The following XKR6 variants were observed in gnomAD, a reference collection of about 807,000 sequenced individuals.
XKR6 encodes XK-related protein 6.
In XKR6, 22 loss-of-function variants were observed where a neutral mutation model predicts 56.7. The ratio of observed to expected loss-of-function variants is 0.39; its 90% CI spans 0.28 to 0.55. The LOEUF (loss-of-function observed/expected upper bound fraction) is 0.55. Ranked by LOEUF, XKR6 falls within the 20% of genes least tolerant of loss-of-function variation. The pLI, the probability that XKR6 is intolerant of heterozygous loss-of-function variation, is 0.66. For missense variants in XKR6, 852 were observed against 889.0 expected, an observed-to-expected ratio of 0.96 and a Z score of 0.53; for synonymous variants, 524 against 387.8, an observed-to-expected ratio of 1.35 and a Z score of -4.13.
intron 1 of XKR6, among the ~76,000 whole-genome samples, chr8:11,121,370 G>A (rs1165406594): frequency 5.3e-5 from 8 of 152,130 alleles, no homozygotes; most frequent in Non-Finnish European, 8.8e-5. Context: ...ATCAAAAAGT[G>A]AGCGAAGGAT....
At chr8:11,069,402 C>G (rs1315234497) in intron 1 of XKR6, among the ~76,000 whole-genome samples, 4 of 152,132 alleles carry the variant, frequency 2.6e-5, no homozygotes, top group African/African-American at 9.7e-5. Flanking sequence ...CCCACAGTAT[C>G]TCTCCCGCAA....
At position 11,145,186 on chromosome 8, in the gene XKR6, AT is replaced by A. The variant is rs150183313; in HGVS notation, c.764+55389del. 3.4e-3 allele frequency among the ~76,000 whole-genome samples: 511 copies of A among 152,286 alleles called. 2 individuals are homozygous for A. The highest frequency in any genetic ancestry group is 0.012 in the African/African-American group (486 of 41,550). ...CTCACTGGAGCATTTTGGATTTCAGATTTTTGGATTAGATTTTCAGATATCT... is the reference window on the plus strand; with the variant it reads ...CTCACTGGAGCATTTTGGATTTCAGATTTTGGATTAGATTTTCAGATATCT... On this transcript the variant is annotated intron_variant, in intron 1 of 2. Transcript: ENST00000416569.
At chr8:11,009,613 T>C (rs192987125) in intron 1 of XKR6, among the ~76,000 whole-genome samples, 17 of 152,294 alleles carry the variant, frequency 1.1e-4, no homozygotes, top group Non-Finnish European at 2.4e-4. Flanking sequence ...CCAGATCTTC[T>C]GTAAAATGTC....
intron 1 of XKR6, among the ~76,000 whole-genome samples, chr8:10,972,710 T>C (rs1586375027): frequency 6.6e-6 from 1 of 152,106 alleles, no homozygotes; most frequent in Non-Finnish European, 1.5e-5. Context: ...TGGGGAAAAG[T>C]GGGGACTGGG....
intron 1 of XKR6, among the ~76,000 whole-genome samples, chr8:10,968,206 C>G (rs758073137): frequency 6.6e-6 from 1 of 152,208 alleles, no homozygotes; most frequent in African/African-American, 2.4e-5. Context: ...GATCTCCCAC[C>G]GCTCCTAGGC....
chr8:11,171,445 T>C (rs145635104), intron 1 of XKR6, among the ~76,000 whole-genome samples: 6 of 152,316 alleles, frequency 3.9e-5, no homozygotes, highest in African/African-American at 1.4e-4. Flanking sequence ...AAATTTCATC[T>C]CCAGTACTGG....
chr8:11,081,011 G>C (rs1442376189), intron 1 of XKR6, among the ~76,000 whole-genome samples: 2 of 152,214 alleles, frequency 1.3e-5, no homozygotes, highest in African/African-American at 4.8e-5. Context: ...AAGGTCTGTA[G>C]TTATTTGGGA....
At chr8:10,993,222 G>C (rs1005204624) in intron 1 of XKR6, among the ~76,000 whole-genome samples, 2 of 152,220 alleles carry the variant, frequency 1.3e-5, no homozygotes, top group African/African-American at 4.8e-5. Flanking sequence ...GGCGAGGCTG[G>C]GATGCTTTTT....
At chr8:11,058,454 T>G (rs974893602) in intron 1 of XKR6, among the ~76,000 whole-genome samples, 1 of 152,192 alleles carries the variant, frequency 6.6e-6, no homozygotes, top group Non-Finnish European at 1.5e-5. Context: ...CCATCAGTGA[T>G]AGACTGGATA....
At chr8:11,003,264 A>T (rs28655990) in intron 1 of XKR6, among the ~76,000 whole-genome samples, 2,054 of 152,282 alleles carry the variant, frequency 0.013, 48 homozygotes, top group African/African-American at 0.046. Context: ...CAAGTACAAC[A>T]TCATTGTCAA....
intron 1 of XKR6, among the ~76,000 whole-genome samples, chr8:11,107,534 T>G (rs1210471084): frequency 6.6e-6 from 1 of 152,162 alleles, no homozygotes; most frequent in Non-Finnish European, 1.5e-5. Context: ...CACATTTATA[T>G]CAACCAGCAG....
chr8:11,194,907 T>A (rs1803787943), intron 1 of XKR6: 2 of 534,918 alleles, frequency 3.7e-6, no homozygotes, highest in Admixed American at 3.5e-5. Flanking sequence ...CTATGCTGCA[T>A]CCCCAGTTGC....
At chr8:10,913,312 G>T (rs1310787663) in intron 2 of XKR6, among the ~76,000 whole-genome samples, 1 of 151,948 alleles carries the variant, frequency 6.6e-6, no homozygotes, top group African/African-American at 2.4e-5. Flanking sequence ...GTCTGGCCAG[G>T]GTCCCCAGCA....
In XKR6 at chr8:11,028,099, C is replaced by T. The variant is rs186544923; in HGVS notation, c.765-103269G>A. 5.3e-3 allele frequency among the ~76,000 whole-genome samples: 800 copies of T among 152,094 alleles called. 7 individuals carry two copies. Among genetic ancestry groups the T allele is most frequent in the African/African-American group, 0.019 (769 of 41,470 alleles). Reference sequence around the variant, plus strand: ...CAGAGCAGTTTCACCACCCTAAAAACCCCCTGTGCTTGGCCTGTTCATCCC... The same window carrying T: ...CAGAGCAGTTTCACCACCCTAAAAATCCCCTGTGCTTGGCCTGTTCATCCC... On this transcript the variant is annotated intron_variant, in intron 1 of 2. Transcript: ENST00000416569.
chr8:11,156,898 T>G (rs1224300466), intron 1 of XKR6, among the ~76,000 whole-genome samples: 1 of 151,898 alleles, frequency 6.6e-6, no homozygotes, highest in Non-Finnish European at 1.5e-5. Context: ...GGAACTTGCT[T>G]CCAAGGAAGA....
chr8:10,990,682 C>T (rs1586400278), intron 1 of XKR6, among the ~76,000 whole-genome samples: 1 of 152,082 alleles, frequency 6.6e-6, no homozygotes, highest in Non-Finnish European at 1.5e-5. Flanking sequence ...CAGCTTCAAG[C>T]GATCCTCCCA....
In XKR6 at chr8:11,200,579, C is replaced by T; in HGVS notation, c.761G>A (p.Trp254Ter). ...CCCCACCCCGCAGTGCTCTTACCTCCACACCTGCCCCATCTGCAGCAGGTG... is the reference window on the plus strand; with the variant it reads ...CCCCACCCCGCAGTGCTCTTACCTCTACACCTGCCCCATCTGCAGCAGGTG... ...VIHLLQMGQV[W>*]RYIRTMYLGI... Residue 254 changes from tryptophan (W) to a stop codon, truncating the protein, a stop_gained, in exon 1 of 3, where the codon TGG becomes TAG. Transcript: ENST00000416569. LOFTEE classifies it high-confidence loss of function. The surrounding 1 kb of genome is among the most constrained non-coding windows in gnomAD (Gnocchi z 6.4). The T allele has an allele frequency of 6.7e-7, 1 of 1,500,580 alleles. No homozygotes were observed. Among genetic ancestry groups the T allele is most frequent in the Non-Finnish European group, 8.8e-7 (1 of 1,139,080 alleles). 93.0% of individuals were successfully genotyped at this position (1,500,580 alleles called of 1,614,324 possible).
At chr8:11,108,082 G>C (rs1213984253) in intron 1 of XKR6, 3 of 333,750 alleles carry the variant, frequency 9.0e-6, no homozygotes, top group African/African-American at 6.6e-5. Flanking sequence ...AACAGGTGGA[G>C]AATCCCAGAT....
intron 1 of XKR6, among the ~76,000 whole-genome samples, chr8:11,008,549 T>C (rs1798426495): frequency 6.6e-6 from 1 of 151,420 alleles, no homozygotes; most frequent in African/African-American, 2.4e-5. Flanking sequence ...GGCTCCTAAG[T>C]AGCTGGGACC....
Sources: gnomAD v4.1 joint callset for allele counts (sites outside exome capture counted in the v4.1 genomes callset) on GRCh38, gnomAD v4.1.1 for gene constraint, Gnocchi (gnomAD v3.1) non-coding constraint, MANE v1.5 for transcripts, NCBI Gene and HGNC (gene_info 2026-07-23, HGNC 2026-07-21) for gene names.